The following NRG3 variants were observed in gnomAD, a reference collection of about 807,000 sequenced individuals.
NRG3 encodes the protein neuregulin 3, also known as pro-neuregulin-3, membrane-bound isoform.
A neutral mutation model predicts 66.9 loss-of-function variants in NRG3; 31 were observed. The ratio of observed to expected loss-of-function variants is 0.46; its 90% CI spans 0.35 to 0.63. NRG3 has a LOEUF of 0.63. NRG3 is among the 20% of genes least tolerant of loss of function. The pLI is 0.00. For missense variants in NRG3, 910 were observed against 878.9 expected (o/e 1.04, Z -0.45); for synonymous variants, 393 against 359.4 (o/e 1.09, Z -1.06).
At chr10:82,702,109 G>T (rs1353194079) in intron 2 of NRG3, among the ~76,000 whole-genome samples, 1 of 152,158 alleles carries the variant, frequency 6.6e-6, no homozygotes, top group Non-Finnish European at 1.5e-5. Context: ...AGAAAACAGT[G>T]CTGCTTTGAA....
chr10:82,561,294 G>A (rs2045026436), intron 2 of NRG3, among the ~76,000 whole-genome samples: 1 of 152,030 alleles, frequency 6.6e-6, no homozygotes, highest in South Asian at 2.1e-4. Context: ...TGTTGTTGTT[G>A]TTGTTAACTT....
At chr10:82,669,784 C>T (rs982173868) in intron 2 of NRG3, among the ~76,000 whole-genome samples, 5 of 151,936 alleles carry the variant, frequency 3.3e-5, no homozygotes, top group South Asian at 4.2e-4. Context: ...AAAAATAAGC[C>T]GGGCGTGGTG....
intron 1 of NRG3, among the ~76,000 whole-genome samples, chr10:82,240,430 AC>A (rs1453762991): frequency 6.6e-6 from 1 of 152,216 alleles, no homozygotes; most frequent in Non-Finnish European, 1.5e-5. Flanking sequence ...ATTATTTTCC[AC>A]TAAATGATGG....
At chr10:82,809,071 C>CA (rs2061394390) in intron 3 of NRG3, among the ~76,000 whole-genome samples, 1 of 152,008 alleles carries the variant, frequency 6.6e-6, no homozygotes, top group Admixed American at 6.6e-5. Flanking sequence ...TGAAGTTGGA[C>CA]AAGAGGGTCA....
chr10:82,657,701 T>C (rs1445196138), intron 2 of NRG3, among the ~76,000 whole-genome samples: 2 of 152,024 alleles, frequency 1.3e-5, no homozygotes, highest in Non-Finnish European at 2.9e-5. Context: ...GATGTAAAAT[T>C]ACTACATTCT....
intron 1 of NRG3, among the ~76,000 whole-genome samples, chr10:82,234,459 G>T (rs1052865713): frequency 6.6e-6 from 1 of 152,116 alleles, no homozygotes; most frequent in Non-Finnish European, 1.5e-5. Flanking sequence ...TCATCTGGAC[G>T]TTATGTTCCA....
chr10:82,757,320 G>A (rs1456645764), intron 3 of NRG3, among the ~76,000 whole-genome samples: 5 of 152,016 alleles, frequency 3.3e-5, no homozygotes, highest in Non-Finnish European at 7.4e-5. Flanking sequence ...ACACGTGTTG[G>A]GTTGGAGAGT....
intron 2 of NRG3, among the ~76,000 whole-genome samples, chr10:82,381,494 A>G (rs1311470529): frequency 6.6e-6 from 1 of 152,168 alleles, no homozygotes; most frequent in Non-Finnish European, 1.5e-5. Context: ...TCCAAGCGGC[A>G]GAGCAAGAAG....
At chr10:82,984,256 T>C (rs1283679759) in intron 8 of NRG3, among the ~76,000 whole-genome samples, 1 of 152,252 alleles carries the variant, frequency 6.6e-6, no homozygotes, top group African/African-American at 2.4e-5. Context: ...TTACTAGCCC[T>C]GCACAGGCAA....
Position 82,985,473 on chromosome 10 carries a change from C to A in NRG3, c.1959C>A (p.Ala653=), listed in dbSNP as rs549426041. 1.9e-6 allele frequency: 3 copies of A among 1,614,044 alleles called. No homozygotes were observed. In the South Asian group the frequency reaches 3.3e-5, roughly 18 times the overall value. The change falls in exon 9 of 9, where the codon GCC becomes GCA. Residue 653 remains alanine, a synonymous_variant. Coordinates refer to ENST00000372141, the MANE Select transcript of NRG3 (RefSeq NM_001010848.4). ...GACGGTCAGAAGACTACGAACTGGC[C>A]AGCGTAGAAACCGAGGACAGTGCAA... ...DARRSEDYEL[A]SVETEDSASE...
chr10:81,960,175 T>A (rs543701079), intron 1 of NRG3, among the ~76,000 whole-genome samples: 1 of 152,318 alleles, frequency 6.6e-6, no homozygotes, highest in South Asian at 2.1e-4. Context: ...TTCTTGCTGT[T>A]ATGTATTTTA....
intron 1 of NRG3, among the ~76,000 whole-genome samples, chr10:81,903,974 GTATA>G (rs71007284): frequency 4.1e-3 from 589 of 143,454 alleles, no homozygotes; most frequent in African/African-American, 0.011. Flanking sequence ...TTCAGAGTGT[GTATA>G]TATATATATA....
chr10:81,902,894 C>T (rs1844215804), intron 1 of NRG3, among the ~76,000 whole-genome samples: 1 of 152,148 alleles, frequency 6.6e-6, no homozygotes, highest in Non-Finnish European at 1.5e-5. Flanking sequence ...TGACAACTAA[C>T]TACACTGTAT....
intron 2 of NRG3, among the ~76,000 whole-genome samples, chr10:82,624,726 A>G (rs1159005364): frequency 1.3e-5 from 2 of 148,170 alleles, no homozygotes; most frequent in Non-Finnish European, 3.0e-5. Context: ...TACTATATAC[A>G]TATATAATAT....
chr10:82,700,340 A>G (rs1007358589), intron 2 of NRG3, among the ~76,000 whole-genome samples: 4 of 152,174 alleles, frequency 2.6e-5, no homozygotes, highest in Non-Finnish European at 4.4e-5. Flanking sequence ...ACCTATACCA[A>G]ACTGAAATAT....
intron 3 of NRG3, among the ~76,000 whole-genome samples, chr10:82,862,170 C>T (rs189201129): frequency 8.4e-4 from 128 of 152,262 alleles, no homozygotes; most frequent in African/African-American, 2.9e-3. Context: ...GCAAGATAAG[C>T]GGTCCTACCG....
At chr10:82,323,418 A>C (rs2081681822) in intron 1 of NRG3, among the ~76,000 whole-genome samples, 1 of 152,204 alleles carries the variant, frequency 6.6e-6, no homozygotes, top group East Asian at 1.9e-4. Flanking sequence ...GTTTTTCTTA[A>C]AATATGTTAA....
intron 1 of NRG3, among the ~76,000 whole-genome samples, chr10:81,924,346 T>A (rs1457996211): frequency 6.6e-6 from 1 of 152,264 alleles, no homozygotes; most frequent in East Asian, 1.9e-4. Context: ...TTACTGTAGT[T>A]ACACCACAAT....
At chr10:82,953,312 G>C (rs1564660763) in intron 5 of NRG3, among the ~76,000 whole-genome samples, 1 of 151,978 alleles carries the variant, frequency 6.6e-6, no homozygotes, top group African/African-American at 2.4e-5. Context: ...ATTTTTCAAA[G>C]TCATAAAGAA....
Sources: allele counts gnomAD v4.1 joint callset (sites outside exome capture counted in the v4.1 genomes callset), GRCh38; gene constraint gnomAD v4.1.1; transcripts MANE v1.5; gene names NCBI Gene and HGNC (gene_info 2026-07-23, HGNC 2026-07-21).